The following SORBS2 variants were observed in gnomAD, a reference collection of about 807,000 sequenced individuals.
SORBS2 encodes the protein sorbin and SH3 domain-containing protein 2.
SORBS2 carries 46 observed loss-of-function variants against 97.7 expected under a neutral mutation model. The ratio of observed to expected loss-of-function variants is 0.47; its 90% CI spans 0.37 to 0.60. SORBS2 has a LOEUF of 0.60. SORBS2 is among the 20% of genes least tolerant of loss of function. SORBS2 has a pLI of 0.00. For missense variants in SORBS2, 1,316 were observed against 1,282.3 expected (o/e 1.03, Z -0.40); for synonymous variants, 476 against 473.4 (o/e 1.01, Z -0.07).
chr4:185,951,362 C>T (rs2099277141), intron 1 of SORBS2, among the ~76,000 whole-genome samples: 1 of 152,176 alleles, frequency 6.6e-6, no homozygotes, highest in Admixed American at 6.5e-5. Flanking sequence ...TGGGATCCAT[C>T]ACCCTGCCTC....
chr4:185,868,153 T>TC (rs1561250592), intron 1 of SORBS2, among the ~76,000 whole-genome samples: 8 of 99,862 alleles, frequency 8.0e-5, no homozygotes, highest in Non-Finnish European at 1.2e-4. Flanking sequence ...TTTTCTTTTT[T>TC]TCTTTCTTTT....
intron 2 of SORBS2, among the ~76,000 whole-genome samples, chr4:185,744,688 G>A (rs1323313621): frequency 2.0e-5 from 3 of 152,194 alleles, no homozygotes; most frequent in Non-Finnish European, 4.4e-5. Flanking sequence ...ACTGTTTGAT[G>A]AACTGACAAT....
chr4:185,597,835 C>T (rs1223395119), intron 12 of SORBS2, among the ~76,000 whole-genome samples: 1 of 152,176 alleles, frequency 6.6e-6, no homozygotes, highest in Non-Finnish European at 1.5e-5. Context: ...TTTATCTGCC[C>T]CTTTTTATCC....
intron 2 of SORBS2, among the ~76,000 whole-genome samples, chr4:185,725,831 G>A (rs1015971283): frequency 6.6e-6 from 1 of 152,086 alleles, no homozygotes. Flanking sequence ...TATTTTGAAA[G>A]GAACACTGAC....
At chr4:185,614,579 C>G (rs1352528202) in intron 11 of SORBS2, 1 of 437,672 alleles carries the variant, frequency 2.3e-6, no homozygotes, top group Non-Finnish European at 4.0e-6. Flanking sequence ...CAGCCCCATG[C>G]CCGGCTTCCC....
intron 2 of SORBS2, among the ~76,000 whole-genome samples, chr4:185,709,293 G>T (rs1005564578): frequency 3.2e-5 from 2 of 62,850 alleles, no homozygotes; most frequent in African/African-American, 4.5e-5. Context: ...GAGCCGCTGT[G>T]CTGGCCAAAT....
chr4:185,870,630 G>A (rs1032206787), intron 1 of SORBS2, among the ~76,000 whole-genome samples: 6 of 152,194 alleles, frequency 3.9e-5, no homozygotes, highest in Admixed American at 6.5e-5. Flanking sequence ...GGAACCATGC[G>A]GCTCCGGCTT....
intron 13 of SORBS2, among the ~76,000 whole-genome samples, chr4:185,591,067 TG>T (rs2095916584): frequency 6.7e-6 from 1 of 148,622 alleles, no homozygotes; most frequent in Non-Finnish European, 1.5e-5. Context: ...AATAATATTT[TG>T]GTAGAACAAA....
At chr4:185,848,792 C>T (rs1177757538) in intron 1 of SORBS2, among the ~76,000 whole-genome samples, 2 of 151,880 alleles carry the variant, frequency 1.3e-5, no homozygotes, top group Non-Finnish European at 2.9e-5. Flanking sequence ...CATTTCTTGA[C>T]ATAGTTTGAG....
intron 4 of SORBS2, among the ~76,000 whole-genome samples, chr4:185,633,651 A>C (rs2153436451): frequency 6.6e-6 from 1 of 152,248 alleles, no homozygotes; most frequent in Middle Eastern, 3.4e-3. Flanking sequence ...TATCCTCTAA[A>C]TATATATCTT....
chr4:185,620,214 G>A (rs1351725903), intron 7 of SORBS2, 63 bp from the exon 20 acceptor site: 55 of 1,099,828 alleles, frequency 5.0e-5, no homozygotes, highest in South Asian at 2.2e-4. Flanking sequence ...AACCTGTTCC[G>A]CCATTTTCCC....
At chr4:185,925,252 C>G (rs1051247708) in intron 1 of SORBS2, among the ~76,000 whole-genome samples, 2 of 152,144 alleles carry the variant, frequency 1.3e-5, no homozygotes, top group African/African-American at 2.4e-5. Context: ...AATATATCCT[C>G]TAATGCCACT....
At position 185,806,609 on chromosome 4, in the gene SORBS2, C is replaced by T. The variant is rs548398906; in HGVS notation, c.-337-31243G>A. Among the ~76,000 whole-genome samples, 327 of 151,496 alleles carry T rather than the reference C, an allele frequency of 2.2e-3. 2 individuals carry two copies. The highest frequency in any genetic ancestry group is 7.3e-3 in the African/African-American group (302 of 41,306). The stretch of plus-strand genomic sequence containing the variant: ...AGTAGCTGGGACTACAGGCGCCCGC[C>T]ACTACGCCCGGCTAATTTTTTGTAT... On this transcript the variant is annotated intron_variant, in intron 1 of 20. Coordinates refer to the SORBS2 transcript ENST00000284776.
intron 1 of SORBS2, among the ~76,000 whole-genome samples, chr4:185,835,367 CTAAAT>C (rs1210790308): frequency 6.6e-6 from 1 of 152,148 alleles, no homozygotes; most frequent in Non-Finnish European, 1.5e-5. Context: ...ATCACAGAAA[CTAAAT>C]TAAAGAACAT....
chr4:185,628,192 C>T (rs762220221), intron 5 of SORBS2, among the ~76,000 whole-genome samples: 8 of 152,064 alleles, frequency 5.3e-5, no homozygotes, highest in African/African-American at 1.7e-4. Context: ...CATCTTTGAA[C>T]GTCAAAATTC....
chr4:185,624,113 C>G, exon 7 of SORBS2: 1 of 1,614,218 alleles, frequency 6.2e-7, no homozygotes, highest in Non-Finnish European at 8.5e-7. Context: ...GATCCTTGAT[C>G]TGCCGTTACT....
At chr4:185,665,711 C>T (rs1430096078) in intron 4 of SORBS2, 3 of 967,602 alleles carry the variant, frequency 3.1e-6, no homozygotes, top group Admixed American at 1.2e-4. Context: ...ACGGTGGAGG[C>T]AAAGAAAGGC....
rs749776978 is a variant in SORBS2 at position 185,623,625 on chromosome 4, T to A, written c.1504A>T (p.Ser502Cys). 2.0e-5 allele frequency: 33 copies of A among 1,614,152 alleles called. No individual in the cohort carries two copies. Among genetic ancestry groups the A allele is most frequent in the Non-Finnish European group, 2.8e-5 (33 of 1,180,032 alleles). Residue 502 changes from serine to cysteine, a missense_variant, in exon 7 of 15, where the codon AGC (serine) becomes TGC (cysteine). Transcript: ENST00000418609. This position sits in a 1 kb window ranked among gnomAD's most constrained non-coding sequence, Gnocchi z 6.4. ...TCGGACACAACCCCGTCCTGGTCGC[T>A]GTCGGAAAACTCCACGTGTGCTCGG...
At chr4:185,649,296 A>G (rs944401650) in intron 3 of SORBS2, among the ~76,000 whole-genome samples, 171 bp downstream of exon 12, 9 of 152,208 alleles carry the variant, frequency 5.9e-5, no homozygotes, top group African/African-American at 2.2e-4. Flanking sequence ...AAGACAGGGA[A>G]AACATTTGCT....
Sources: gnomAD v4.1 joint callset for allele counts (sites outside exome capture counted in the v4.1 genomes callset) on GRCh38, gnomAD v4.1.1 for gene constraint, Gnocchi (gnomAD v3.1) non-coding constraint, MANE v1.5 for transcripts, NCBI Gene and HGNC (gene_info 2026-07-23, HGNC 2026-07-21) for gene names.